KLHL18: variants seen among roughly 807,000 people sequenced by gnomAD.
KLHL18 encodes kelch-like protein 18.
In KLHL18, 38 loss-of-function variants were observed where a neutral mutation model predicts 58.5. The ratio of observed to expected loss-of-function variants is 0.65; its 90% CI spans 0.50 to 0.85. KLHL18 has a LOEUF of 0.85. KLHL18 is among the 40% of genes least tolerant of loss of function. KLHL18 has a pLI of 0.00. For missense variants in KLHL18, 624 were observed against 778.4 expected, an observed-to-expected ratio of 0.80 and a Z score of 2.36; for synonymous variants, 303 against 301.9, an observed-to-expected ratio of 1.00 and a Z score of -0.04.
chr3:47,336,650 C>G lies in KLHL18; in HGVS notation c.1014C>G (p.Leu338=), dbSNP rs920635091. 6 of 1,614,258 alleles carry G rather than the reference C, an allele frequency of 3.7e-6. No homozygotes were observed. Among genetic ancestry groups the G allele is most frequent in the Non-Finnish European group, 5.1e-6 (6 of 1,180,046 alleles). The change falls in exon 7 of 10, where the codon CTC becomes CTG. Residue 338 remains leucine, a synonymous_variant. Coordinates refer to ENST00000232766, the MANE Select transcript of KLHL18 (RefSeq NM_025010.5). Reference sequence around the variant, plus strand: ...GCGTGGCTGTGGTGAACGGGCTTCTCTATGCCATCGGAGGATATGACGGCC... The same window carrying G: ...GCGTGGCTGTGGTGAACGGGCTTCTGTATGCCATCGGAGGATATGACGGCC... ...RVGVAVVNGL[L]YAIGGYDGQL...
In KLHL18 at chr3:47,283,091, C is replaced by T. The variant is rs776715646; in HGVS notation, c.126C>T (p.Leu42=). ...AGGGCAAGCTGTGCGACGTGACCCT[C>T]AAGGTACCGCGGACTGGGCGGCAGC... ...RRQGKLCDVT[L]KIGDHKFSAH... Residue 42 remains leucine, a synonymous_variant, in exon 1 of 10, where the codon CTC becomes CTT. Transcript: ENST00000232766. 3 of 1,576,626 alleles carry T rather than the reference C, an allele frequency of 1.9e-6. No individual in the cohort carries two copies. The highest frequency in any genetic ancestry group is 4.7e-5 in the East Asian group (2 of 43,002).
intron 1 of KLHL18, among the ~76,000 whole-genome samples, chr3:47,319,437 C>T (rs909591285): frequency 6.6e-6 from 1 of 152,160 alleles, no homozygotes; most frequent in Non-Finnish European, 1.5e-5. Context: ...GTATTGTTTA[C>T]ATTCTTCTAC....
At chr3:47,284,846 T>A (rs569539335) in intron 1 of KLHL18, among the ~76,000 whole-genome samples, 1 of 152,030 alleles carries the variant, frequency 6.6e-6, no homozygotes, top group South Asian at 2.1e-4. Flanking sequence ...TGAGACAGAG[T>A]CTCGCTGTGT....
chr3:47,329,531 CTG>C (rs1451979763), intron 3 of KLHL18, among the ~76,000 whole-genome samples: 2 of 152,180 alleles, frequency 1.3e-5, no homozygotes, highest in African/African-American at 4.8e-5. Flanking sequence ...CCAGCCCTGT[CTG>C]TGTTTTTTAA....
At chr3:47,307,429 T>C (rs933836921) in intron 1 of KLHL18, among the ~76,000 whole-genome samples, 1 of 152,124 alleles carries the variant, frequency 6.6e-6, no homozygotes, top group Non-Finnish European at 1.5e-5. Flanking sequence ...TCTCTTAAGG[T>C]TAATGCTTTT....
intron 1 of KLHL18, among the ~76,000 whole-genome samples, chr3:47,304,003 AT>A (rs1030664315): frequency 6.6e-6 from 1 of 151,816 alleles, no homozygotes; most frequent in African/African-American, 2.4e-5. Context: ...TTCAACTTTT[AT>A]TTTTTTAGAG....
At chr3:47,308,686 C>A (rs547333185) in intron 1 of KLHL18, among the ~76,000 whole-genome samples, 2 of 152,176 alleles carry the variant, frequency 1.3e-5, no homozygotes, top group African/African-American at 2.4e-5. Flanking sequence ...CCACTGTGCC[C>A]GGCCAATATG....
chr3:47,330,676 A>G (rs1198219664), intron 4 of KLHL18, among the ~76,000 whole-genome samples: 2 of 152,130 alleles, frequency 1.3e-5, no homozygotes, highest in Non-Finnish European at 2.9e-5. Context: ...GTTATTTCCA[A>G]TATTTACTAT....
At position 47,334,039 on chromosome 3, in the gene KLHL18, T is replaced by C. The variant is rs968432041; in HGVS notation, c.762-644T>C. 6.6e-6 allele frequency among the ~76,000 whole-genome samples: 1 copy of C among 152,180 alleles called. No individual in the cohort carries two copies. The highest frequency in any genetic ancestry group is 2.4e-5 in the African/African-American group (1 of 41,444). ...TTCATTTTCCAACTCCTGGTTGGGA[T>C]CAGCTGGTTCAGGAGGAAGTAAGTG... On this transcript the variant is annotated intron_variant, in intron 5 of 9. Coordinates refer to ENST00000232766, the MANE Select transcript of KLHL18 (RefSeq NM_025010.5). This position sits in a 1 kb window ranked among gnomAD's most constrained non-coding sequence, Gnocchi z 4.7.
intron 3 of KLHL18, among the ~76,000 whole-genome samples, chr3:47,324,298 C>CTTTCTTTTTTTTTTTT (rs1703659922): frequency 5.3e-5 from 2 of 37,486 alleles, no homozygotes; most frequent in East Asian, 8.9e-4. Flanking sequence ...TTCTTTCTTT[C>CTTTCTTTTTTTTTTTT]TTTTTTTTTT....
Position 47,343,611 on chromosome 3 carries a change from C to G in KLHL18, c.1395C>G (p.Asn465Lys). 2 of 1,614,170 alleles carry G rather than the reference C, an allele frequency of 1.2e-6. No homozygotes were observed. The highest frequency in any genetic ancestry group is 1.7e-6 in the Non-Finnish European group (2 of 1,180,034). The change falls in exon 10 of 10, where the codon AAC becomes AAG. Residue 465 changes from asparagine (N) to lysine (K), a missense_variant. By Grantham distance (94) the Asn-to-Lys change is moderately conservative. Transcript: ENST00000232766. ...ATWHPAAGML[N>K]KRCRHGAASL... ...GGCACCCTGCAGCTGGCATGCTCAACAAGCGCTGCCGGCACGGAGCCGCCT... is the reference window on the plus strand; with the variant it reads ...GGCACCCTGCAGCTGGCATGCTCAAGAAGCGCTGCCGGCACGGAGCCGCCT...
chr3:47,327,016 A>T (rs1703739838), intron 3 of KLHL18, among the ~76,000 whole-genome samples: 2 of 152,072 alleles, frequency 1.3e-5, no homozygotes, highest in South Asian at 4.1e-4. Flanking sequence ...AGGCAGGCAG[A>T]TCGCCTGAGG....
chr3:47,316,656 T>A (rs1703447318), intron 1 of KLHL18, among the ~76,000 whole-genome samples: 1 of 142,510 alleles, frequency 7.0e-6, no homozygotes, highest in African/African-American at 2.5e-5. Flanking sequence ...TGTGTGTATA[T>A]ATACATATAT....
intron 4 of KLHL18, among the ~76,000 whole-genome samples, chr3:47,330,775 A>G (rs1245546330): frequency 6.6e-6 from 1 of 152,042 alleles, no homozygotes; most frequent in Non-Finnish European, 1.5e-5. Flanking sequence ...CTGTCACCCA[A>G]GCTGGAGTGC....
rs746681383 is a variant in KLHL18 at position 47,336,810 on chromosome 3, C to G, written c.1121+53C>G. 4.9e-6 allele frequency: 7 copies of G among 1,426,612 alleles called. No homozygotes were observed. In the African/African-American group the frequency reaches 9.8e-5, roughly 20 times the overall value. 88.4% of individuals were successfully genotyped at this position (1,426,612 alleles called of 1,614,324 possible). A position where few individuals can be genotyped will look rare whatever the true frequency, so the allele number is the denominator to read the frequency against. On this transcript the variant is annotated intron_variant, in intron 7 of 9. Transcript: ENST00000232766. ...ACATACACACTGAGCACCTGGGGAG[C>G]GCCATGCTAGACGAGCAGGGGCACA...
intron 8 of KLHL18, among the ~76,000 whole-genome samples, chr3:47,341,929 A>C (rs968450991): frequency 2.6e-5 from 4 of 151,574 alleles, no homozygotes; most frequent in African/African-American, 9.7e-5. Flanking sequence ...GAGAGAGAGA[A>C]AAAAACATTA....
intron 4 of KLHL18, among the ~76,000 whole-genome samples, chr3:47,331,035 T>C (rs961327218): frequency 6.6e-6 from 1 of 151,822 alleles, no homozygotes; most frequent in African/African-American, 2.4e-5. Context: ...CCCGGCCTAG[T>C]ATAGATAACT....
At position 47,290,885 on chromosome 3, in the gene KLHL18, T is replaced by C. The variant is rs953394150; in HGVS notation, c.129+7791T>C. On this transcript the variant is annotated intron_variant, in intron 1 of 9. Coordinates refer to ENST00000232766, the MANE Select transcript of KLHL18 (RefSeq NM_025010.5). ...AGTTTTAATCTCCTTGTTCAAGTTATGTTGTGAATAATGCTGTTAAATTTG... is the reference window on the plus strand; with the variant it reads ...AGTTTTAATCTCCTTGTTCAAGTTACGTTGTGAATAATGCTGTTAAATTTG... Among the ~76,000 whole-genome samples the C allele has an allele frequency of 5.3e-5, 8 of 152,380 alleles. No homozygotes were observed. In the South Asian group the frequency reaches 1.2e-3, roughly 24 times the overall value.
chr3:47,305,045 A>G (rs1703109305), intron 1 of KLHL18, among the ~76,000 whole-genome samples: 1 of 151,970 alleles, frequency 6.6e-6, no homozygotes, highest in Admixed American at 6.6e-5. Flanking sequence ...AAAGAAAGAA[A>G]AAAACCCATA....
Sources: allele counts gnomAD v4.1 joint callset (sites outside exome capture counted in the v4.1 genomes callset), GRCh38; gene constraint gnomAD v4.1.1; non-coding constraint Gnocchi (gnomAD v3.1); transcripts MANE v1.5; gene names NCBI Gene and HGNC (gene_info 2026-07-23, HGNC 2026-07-21).